Variants in PITPNC1 observed in about 807,000 individuals in gnomAD.
The protein encoded by PITPNC1 is cytoplasmic phosphatidylinositol transfer protein 1.
Under a neutral mutation model 44.7 loss-of-function variants are expected in PITPNC1, and 18 were observed. That is an observed-to-expected ratio of 0.40 (90% CI 0.28 to 0.60). The LOEUF is 0.60. Ranked by LOEUF, PITPNC1 falls within the 20% of genes least tolerant of loss-of-function variation. The pLI, the probability that PITPNC1 is intolerant of heterozygous loss-of-function variation, is 0.39. For synonymous variants in PITPNC1, 141 were observed against 149.6 expected, an observed-to-expected ratio of 0.94 and a Z score of 0.42; for missense variants, 290 against 418.4, an observed-to-expected ratio of 0.69 and a Z score of 2.68.
rs182890268 is a variant in PITPNC1 at position 67,446,371 on chromosome 17, G to A, written c.48+68169G>A. The stretch of plus-strand genomic sequence containing the variant: ...TTAAGGTACAACCGATTCTTTTGCT[G>A]CAGTCCTTTCTGCCTAAAGAAGGAA... On this transcript the variant is annotated intron_variant, in intron 1 of 8. Transcript: ENST00000581322. 3.1e-3 allele frequency among the ~76,000 whole-genome samples: 463 copies of A among 151,216 alleles called. 9 individuals are homozygous for A. The highest frequency in any genetic ancestry group is 0.01 in the Middle Eastern group (3 of 294).
chr17:67,431,042 ACT>A (rs2038848442), intron 1 of PITPNC1, among the ~76,000 whole-genome samples: 1 of 139,076 alleles, frequency 7.2e-6, no homozygotes, highest in South Asian at 2.3e-4. Flanking sequence ...TTTAATTTTT[ACT>A]CTTTTTAGTT....
Position 67,403,218 on chromosome 17 carries a change from C to CAAAAAAAAAAAAAAAAAAAAAAAAAAA in PITPNC1, c.48+25039_48+25040insAAAAAAAAAAAAAAAAAAAAAAAAAAA, listed in dbSNP as rs34768084. On this transcript the variant is annotated intron_variant, in intron 1 of 8. Transcript: ENST00000581322. ...GGCAACACAGTGGACCTCATCTCTA[C>CAAAAAAAAAAAAAAAAAAAAAAAAAAA]AAAAAAAAAAAAAAAAAAAAAAAGT... Among the ~76,000 whole-genome samples the CAAAAAAAAAAAAAAAAAAAAAAAAAAA allele has an allele frequency of 7.3e-5, 5 of 68,962 alleles. 1 individual carries two copies. Among genetic ancestry groups the CAAAAAAAAAAAAAAAAAAAAAAAAAAA allele is most frequent in the African/African-American group, 2.1e-4 (4 of 19,118 alleles). 45.2% of individuals were successfully genotyped at this position (68,962 alleles called of 152,430 possible).
intron 1 of PITPNC1, among the ~76,000 whole-genome samples, chr17:67,458,340 C>A (rs928113410): frequency 3.3e-5 from 5 of 152,184 alleles, no homozygotes; most frequent in African/African-American, 1.2e-4. Context: ...TCATTGTGCT[C>A]TCTATGCCCT....
At chr17:67,578,540 GC>G (rs1189254051) in intron 5 of PITPNC1, among the ~76,000 whole-genome samples, 2 of 152,224 alleles carry the variant, frequency 1.3e-5, no homozygotes, top group Non-Finnish European at 2.9e-5. Context: ...GGATGACAGG[GC>G]ACTTGGAACT....
At chr17:67,396,006 T>G (rs2038214654) in intron 1 of PITPNC1, among the ~76,000 whole-genome samples, 1 of 152,238 alleles carries the variant, frequency 6.6e-6, no homozygotes, top group Non-Finnish European at 1.5e-5. Context: ...TCACCTCTTT[T>G]GGATTGCGTT....
At chr17:67,434,512 T>C (rs1029593828) in intron 1 of PITPNC1, among the ~76,000 whole-genome samples, 1 of 152,168 alleles carries the variant, frequency 6.6e-6, no homozygotes, top group African/African-American at 2.4e-5. Flanking sequence ...GGCTGTGCTT[T>C]AGAAGCCCGG....
At chr17:67,573,900 A>G (rs187692831) in intron 4 of PITPNC1, among the ~76,000 whole-genome samples, 197 of 152,292 alleles carry the variant, frequency 1.3e-3, no homozygotes, top group African/African-American at 4.6e-3. Flanking sequence ...TGAAGACAGA[A>G]AGAGATACGG....
chr17:67,399,785 C>G (rs752790589), intron 1 of PITPNC1, among the ~76,000 whole-genome samples: 12 of 152,168 alleles, frequency 7.9e-5, no homozygotes, highest in Non-Finnish European at 1.6e-4. Flanking sequence ...TGATGAAACA[C>G]CTTTGCATTT....
chr17:67,624,074 A>G (rs1324758708), intron 5 of PITPNC1, among the ~76,000 whole-genome samples: 1 of 152,146 alleles, frequency 6.6e-6, no homozygotes, highest in Non-Finnish European at 1.5e-5. Context: ...TTATTTGGCA[A>G]TTCTCCCATA....
In PITPNC1 at chr17:67,669,669, T is replaced by G. The variant is rs2042479638; in HGVS notation, c.618+6T>G. ...TGGAACAATTTGTACACAAGGTAAGTGGTCCAACAGCAGTTCCTGGGCTGT... is the reference window on the plus strand; with the variant it reads ...TGGAACAATTTGTACACAAGGTAAGGGGTCCAACAGCAGTTCCTGGGCTGT... On this transcript the variant is annotated splice_donor_region_variant and intron_variant, in intron 7 of 8. Coordinates refer to ENST00000581322, the MANE Select transcript of PITPNC1 (RefSeq NM_012417.4). 2 of 1,582,684 alleles carry G rather than the reference T, an allele frequency of 1.3e-6. No homozygotes were observed. The highest frequency in any genetic ancestry group is 2.3e-5 in the South Asian group (2 of 86,774).
At chr17:67,401,028 G>A (rs566749169) in intron 1 of PITPNC1, among the ~76,000 whole-genome samples, 2 of 151,882 alleles carry the variant, frequency 1.3e-5, no homozygotes, top group Non-Finnish European at 1.5e-5. Flanking sequence ...TCCACCTCCC[G>A]GGTTCAGGCA....
intron 5 of PITPNC1, among the ~76,000 whole-genome samples, chr17:67,595,015 GTTACAA>G (rs1194338896): frequency 2.6e-5 from 4 of 152,134 alleles, no homozygotes; most frequent in Non-Finnish European, 5.9e-5. Flanking sequence ...TTGATGGCAT[GTTACAA>G]TTACAAGTGG....
chr17:67,574,169 G>A (rs1317002779), intron 4 of PITPNC1, among the ~76,000 whole-genome samples: 1 of 152,144 alleles, frequency 6.6e-6, no homozygotes. Context: ...AGCGGAAAAG[G>A]ATTGTCCCCA....
rs918157322 is a variant in PITPNC1 at position 67,532,698 on chromosome 17, C to T, written c.49-104C>T. 18 of 856,588 alleles carry T rather than the reference C, an allele frequency of 2.1e-5. No individual in the cohort carries two copies. In the African/African-American group the frequency reaches 2.5e-4, roughly 12 times the overall value. The allele number at this position is 856,588 out of a possible 1,614,324, so 53.1% of individuals were successfully genotyped here. ...CCATGTGGCTGCCTTCTCTTCTCAG[C>T]AGAAGGTGCTGATGTTATTAGTGGC... On this transcript the variant is annotated intron_variant, in intron 1 of 8. Coordinates refer to ENST00000581322, the MANE Select transcript of PITPNC1 (RefSeq NM_012417.4).
At chr17:67,494,777 G>C (rs2039920666) in intron 1 of PITPNC1, among the ~76,000 whole-genome samples, 1 of 152,030 alleles carries the variant, frequency 6.6e-6, no homozygotes, top group Non-Finnish European at 1.5e-5. Flanking sequence ...TTCAAGACCA[G>C]CCTGGGCAAC....
At chr17:67,411,316 A>G (rs2038492946) in intron 1 of PITPNC1, among the ~76,000 whole-genome samples, 1 of 152,134 alleles carries the variant, frequency 6.6e-6, no homozygotes, top group African/African-American at 2.4e-5. Context: ...AGAGTTGGAA[A>G]TTCTCTCTGG....
At chr17:67,470,233 A>G (rs1423411151) in intron 1 of PITPNC1, among the ~76,000 whole-genome samples, 1 of 152,156 alleles carries the variant, frequency 6.6e-6, no homozygotes, top group Non-Finnish European at 1.5e-5. Flanking sequence ...ATATTGTGAT[A>G]TAGCTAACAT....
chr17:67,472,359 A>AAG (rs2039551473), intron 1 of PITPNC1, among the ~76,000 whole-genome samples: 2 of 117,748 alleles, frequency 1.7e-5, no homozygotes, highest in Non-Finnish European at 3.5e-5. Context: ...AAAAAAAAAA[A>AAG]AAAAAGGACC....
chr17:67,472,201 G>A (rs2039547134), intron 1 of PITPNC1, among the ~76,000 whole-genome samples: 1 of 151,874 alleles, frequency 6.6e-6, no homozygotes, highest in Non-Finnish European at 1.5e-5. Context: ...CCCACCGTAA[G>A]CTGCTAATTT....
Sources: gnomAD v4.1 joint callset for allele counts (sites outside exome capture counted in the v4.1 genomes callset) on GRCh38, gnomAD v4.1.1 for gene constraint, MANE v1.5 for transcripts, NCBI Gene and HGNC (gene_info 2026-07-23, HGNC 2026-07-21) for gene names.